Variants in TTC7B observed in about 807,000 individuals in gnomAD.
TTC7B encodes tetratricopeptide repeat protein 7B.
A neutral mutation model predicts 106.8 loss-of-function variants in TTC7B; 28 were observed. The observed-to-expected ratio is 0.26, with a 90% CI of 0.19 to 0.36. The LOEUF is 0.36. Ranked by LOEUF, TTC7B falls within the 10% of genes least tolerant of loss-of-function variation. The pLI is 1.00. For synonymous variants in TTC7B, 405 were observed against 430.6 expected, an observed-to-expected ratio of 0.94 and a Z score of 0.74; for missense variants, 862 against 1,076.4, an observed-to-expected ratio of 0.80 and a Z score of 2.79.
intron 4 of TTC7B, among the ~76,000 whole-genome samples, chr14:90,735,108 C>T (rs75646881): frequency 6.6e-6 from 1 of 152,122 alleles, no homozygotes; most frequent in African/African-American, 2.4e-5. Context: ...CATTCTAGTG[C>T]CCCTGCAGTC....
chr14:90,758,582 C>T (rs527937207), intron 3 of TTC7B, among the ~76,000 whole-genome samples: 14 of 152,380 alleles, frequency 9.2e-5, no homozygotes, highest in African/African-American at 3.1e-4. Flanking sequence ...CCCGCGACCC[C>T]TGGCGGCGGC....
intron 17 of TTC7B, chr14:90,605,580 G>A: frequency 1.6e-6 from 2 of 1,270,304 alleles, no homozygotes; most frequent in Non-Finnish European, 2.0e-6. Context: ...TCACAAGAAA[G>A]GAAAAACCAT....
chr14:90,631,125 C>T (rs1884684807), intron 15 of TTC7B, among the ~76,000 whole-genome samples: 1 of 152,160 alleles, frequency 6.6e-6, no homozygotes, highest in African/African-American at 2.4e-5. Context: ...TGAGCCACTG[C>T]ACCCAGCCAT....
Position 90,527,561 on chromosome 14 carries a change from T to G in TTC7B, c.*13807A>C. On this transcript the variant is annotated 3_prime_UTR_variant, in exon 20 of 20. Coordinates refer to ENST00000328459, the MANE Select transcript of TTC7B (RefSeq NM_001010854.2). The stretch of plus-strand genomic sequence containing the variant: ...AGATCCAGAGGGAGATGTGACTCAC[T>G]TTTTTTTTTTTTTTTTGAGATGGAG... 1 of 129,298 alleles carries G rather than the reference T, an allele frequency of 7.7e-6. No homozygotes were observed. Among genetic ancestry groups the G allele is most frequent in the Non-Finnish European group, 1.6e-5 (1 of 63,404 alleles). 8.0% of individuals were successfully genotyped at this position (129,298 alleles called of 1,614,324 possible).
chr14:90,813,943 A>G (rs2031039526), intron 1 of TTC7B, among the ~76,000 whole-genome samples: 1 of 152,280 alleles, frequency 6.6e-6, no homozygotes, highest in East Asian at 1.9e-4. Context: ...ACCAAAGGAG[A>G]GCCACAATCA....
At chr14:90,601,986 A>G (rs1892443400) in intron 17 of TTC7B, 2 of 370,426 alleles carry the variant, frequency 5.4e-6, no homozygotes, top group Admixed American at 6.7e-5. Context: ...CTAATGTGTG[A>G]TGACAGCACC....
In TTC7B at chr14:90,534,575, T is replaced by G. The variant is rs1021618063; in HGVS notation, c.*6793A>C. 21 of 152,484 alleles carry G rather than the reference T, an allele frequency of 1.4e-4. No individual in the cohort carries two copies. Among genetic ancestry groups the G allele is most frequent in the African/African-American group, 5.1e-4 (21 of 41,402 alleles). The allele number at this position is 152,484 out of a possible 1,614,324, so 9.4% of individuals were successfully genotyped here. A position where few individuals can be genotyped will look rare whatever the true frequency, so the allele number is the denominator to read the frequency against. On this transcript the variant is annotated 3_prime_UTR_variant, in exon 20 of 20. Coordinates refer to ENST00000328459, the MANE Select transcript of TTC7B (RefSeq NM_001010854.2). ...CCCTCACTGGGCAATGCCCACCCTGTCGGCCTTGAGAGGTGGTGGGGGAGG... is the reference window on the plus strand; with the variant it reads ...CCCTCACTGGGCAATGCCCACCCTGGCGGCCTTGAGAGGTGGTGGGGGAGG...
intron 7 of TTC7B, among the ~76,000 whole-genome samples, chr14:90,681,743 T>C (rs763145783): frequency 1.3e-5 from 2 of 152,218 alleles, no homozygotes; most frequent in Non-Finnish European, 2.9e-5. Context: ...GTGCAGTGAC[T>C]TGCTTCAGAA....
intron 8 of TTC7B, among the ~76,000 whole-genome samples, chr14:90,678,327 T>C (rs1036632160): frequency 2.0e-5 from 3 of 152,218 alleles, no homozygotes; most frequent in Admixed American, 2.0e-4. Flanking sequence ...TGATACCTTG[T>C]AGGTGGAGAA....
chr14:90,730,139 G>C lies in TTC7B; in HGVS notation c.634C>G (p.Gln212Glu), dbSNP rs756321932. The change falls in exon 5 of 20, where the codon CAA (glutamine) becomes GAA (glutamate). Residue 212 changes from glutamine to glutamate, a missense_variant. Physicochemically the swap from Gln to Glu is conservative, Grantham distance 29. Transcript: ENST00000328459. ...GTTTCTAGGAAAAAACCTAGTTCTTGATCGTGGGGAGCAGGGCCAGGCTTA... is the reference window on the plus strand; with the variant it reads ...GTTTCTAGGAAAAAACCTAGTTCTTCATCGTGGGGAGCAGGGCCAGGCTTA... The part of the protein sequence containing the change: ...SPKPGPAPHD[Q>E]ELGFFLETGL... 39 of 1,613,800 alleles carry C rather than the reference G, an allele frequency of 2.4e-5. No individual in the cohort carries two copies. The highest frequency in any genetic ancestry group is 3.3e-5 in the Non-Finnish European group (39 of 1,179,940).
At chr14:90,717,368 C>T (rs1351546428) in intron 5 of TTC7B, among the ~76,000 whole-genome samples, 3 of 151,812 alleles carry the variant, frequency 2.0e-5, no homozygotes, top group African/African-American at 4.8e-5. Flanking sequence ...AGAAATAATC[C>T]GTGACTTTTC....
At chr14:90,677,879 C>T (rs1278700630) in intron 8 of TTC7B, 13 of 442,174 alleles carry the variant, frequency 2.9e-5, no homozygotes, top group South Asian at 1.6e-4. Flanking sequence ...TAAGACAGGC[C>T]ACTTCCTACA....
intron 8 of TTC7B, chr14:90,677,689 G>A (rs912040423): frequency 2.8e-6 from 1 of 354,622 alleles, no homozygotes; most frequent in South Asian, 2.2e-5. Context: ...GTCCCGGCAG[G>A]CTGACGTTGA....
intron 17 of TTC7B, among the ~76,000 whole-genome samples, chr14:90,609,335 T>C (rs1043157061): frequency 6.6e-6 from 1 of 152,204 alleles, no homozygotes; most frequent in Non-Finnish European, 1.5e-5. Flanking sequence ...CCCAAAAATC[T>C]TTTTACCCAG....
intron 17 of TTC7B, among the ~76,000 whole-genome samples, chr14:90,607,863 A>G (rs1892711457): frequency 6.6e-6 from 1 of 152,246 alleles, no homozygotes; most frequent in African/African-American, 2.4e-5. Flanking sequence ...GGCAGAGGAA[A>G]GATACATATG....
At position 90,740,494 on chromosome 14, in the gene TTC7B, C is replaced by CTTTTTT. The variant is rs71461924; in HGVS notation, c.576+4292_576+4297dup. On this transcript the variant is annotated intron_variant, in intron 4 of 19. Transcript: ENST00000328459. ...TAAACATTCCCCTGAAATTCTTTGACTTTTTTTTTTTTTTTTTTTTTTTTT... is the reference window on the plus strand; with the variant it reads ...TAAACATTCCCCTGAAATTCTTTGACTTTTTTTTTTTTTTTTTTTTTTTTTTTTTTT... 8.9e-4 allele frequency among the ~76,000 whole-genome samples: 70 copies of CTTTTTT among 78,332 alleles called. 1 individual carries two copies. The highest frequency in any genetic ancestry group is 1.2e-3 in the Admixed American group (6 of 4,810). 51.4% of individuals were successfully genotyped at this position (78,332 alleles called of 152,430 possible).
chr14:90,702,021 A>G (rs1888012454), intron 5 of TTC7B, among the ~76,000 whole-genome samples: 1 of 152,138 alleles, frequency 6.6e-6, no homozygotes, highest in South Asian at 2.1e-4. Flanking sequence ...GAACTTATCT[A>G]TCATATAAGG....
intron 8 of TTC7B, among the ~76,000 whole-genome samples, chr14:90,676,990 G>A (rs1465773323): frequency 6.6e-6 from 1 of 152,158 alleles, no homozygotes; most frequent in Non-Finnish European, 1.5e-5. Flanking sequence ...AGAAGACGCA[G>A]CTGCGCTCTA....
chr14:90,543,511 T>C (rs962701013), intron 19 of TTC7B, among the ~76,000 whole-genome samples: 3 of 152,258 alleles, frequency 2.0e-5, no homozygotes, highest in Admixed American at 6.5e-5. Flanking sequence ...TTTTCATTTC[T>C]GTTACTCCCA....
Sources: allele counts gnomAD v4.1 joint callset (sites outside exome capture counted in the v4.1 genomes callset), GRCh38; gene constraint gnomAD v4.1.1; transcripts MANE v1.5; gene names NCBI Gene and HGNC (gene_info 2026-07-23, HGNC 2026-07-21).